RCOR1: variants seen among roughly 807,000 people sequenced by gnomAD.
The protein encoded by RCOR1 is REST corepressor 1, also known as REST corepressor.
Under a neutral mutation model 64.0 loss-of-function variants are expected in RCOR1, and 12 were observed. The ratio of observed to expected loss-of-function variants is 0.19; its 90% CI spans 0.12 to 0.30. The LOEUF (loss-of-function observed/expected upper bound fraction) is 0.30. Among genes scored for constraint, RCOR1 ranks in the 10% least tolerant of loss-of-function variants. The pLI, the probability that RCOR1 is intolerant of heterozygous loss-of-function variation, is 1.00. For synonymous variants in RCOR1, 279 were observed against 227.2 expected (o/e 1.23, Z -2.05); for missense variants, 502 against 621.2 (o/e 0.81, Z 2.04).
At chr14:102,663,788 T>C (rs1894868384) in intron 2 of RCOR1, among the ~76,000 whole-genome samples, 1 of 152,190 alleles carries the variant, frequency 6.6e-6, no homozygotes, top group African/African-American at 2.4e-5. Context: ...TGTCTTTGTT[T>C]AGGTTTGACG....
intron 2 of RCOR1, among the ~76,000 whole-genome samples, chr14:102,660,899 T>C (rs180942880): frequency 1.3e-5 from 2 of 152,284 alleles, no homozygotes; most frequent in African/African-American, 4.8e-5. Flanking sequence ...TAGATTACTA[T>C]CTCATAAATT....
At chr14:102,625,886 G>A (rs1254502510) in intron 2 of RCOR1, among the ~76,000 whole-genome samples, 1 of 152,106 alleles carries the variant, frequency 6.6e-6, no homozygotes, top group African/African-American at 2.4e-5. Context: ...TGCATAGGTT[G>A]AACACAACAA....
chr14:102,605,910 G>A (rs1893496945), intron 2 of RCOR1, among the ~76,000 whole-genome samples: 1 of 151,878 alleles, frequency 6.6e-6, no homozygotes, highest in Non-Finnish European at 1.5e-5. Context: ...AGGCCAATGT[G>A]TGTGTCTTTG....
intron 2 of RCOR1, among the ~76,000 whole-genome samples, chr14:102,646,327 G>C (rs776406807): frequency 6.6e-6 from 1 of 152,066 alleles, no homozygotes; most frequent in Non-Finnish European, 1.5e-5. Flanking sequence ...TCAGGCACAT[G>C]AAGAAAAAGC....
intron 2 of RCOR1, among the ~76,000 whole-genome samples, chr14:102,676,793 A>G (rs1163630628): frequency 9.2e-5 from 5 of 54,418 alleles, no homozygotes; most frequent in African/African-American, 9.2e-5. Flanking sequence ...CTCACTTCCC[A>G]GTAGGGGCGG....
At chr14:102,600,084 T>C (rs1022553243) in intron 2 of RCOR1, among the ~76,000 whole-genome samples, 1 of 150,950 alleles carries the variant, frequency 6.6e-6, no homozygotes, top group African/African-American at 2.4e-5. Context: ...TTAATTATTA[T>C]TATTATTTTT....
intron 3 of RCOR1, 29 bp downstream of exon 3, chr14:102,682,007 C>G (rs1567434281): frequency 6.5e-7 from 1 of 1,530,372 alleles, no homozygotes. Flanking sequence ...TATTTTCCAC[C>G]TTTCTTGTTT....
At chr14:102,686,928 A>G (rs903946633) in intron 3 of RCOR1, among the ~76,000 whole-genome samples, 15 of 152,150 alleles carry the variant, frequency 9.9e-5, no homozygotes, top group African/African-American at 3.6e-4. Flanking sequence ...TTATTGGATT[A>G]TATTTTTTCC....
chr14:102,710,813 A>T lies in RCOR1; in HGVS notation c.780-122A>T, dbSNP rs554588125. 17 of 680,318 alleles carry T rather than the reference A, an allele frequency of 2.5e-5. No homozygotes were observed. In the South Asian group the frequency reaches 2.9e-4, roughly 12 times the overall value. The allele number at this position is 680,318 out of a possible 1,614,324, so 42.1% of individuals were successfully genotyped here. On this transcript the variant is annotated intron_variant, in intron 6 of 11. Coordinates refer to ENST00000262241, the MANE Select transcript of RCOR1 (RefSeq NM_015156.4). ...CCTGAAAACATACTAATTTTATATT[A>T]AATCAGTTTATTATTTATATTTGGT...
chr14:102,599,152 G>C (rs185847398), intron 2 of RCOR1, among the ~76,000 whole-genome samples: 1 of 150,176 alleles, frequency 6.7e-6, no homozygotes, highest in East Asian at 1.9e-4. Flanking sequence ...TTTTTTTTGA[G>C]ATAGGGTCAC....
At chr14:102,706,029 T>C (rs1432150966) in intron 4 of RCOR1, among the ~76,000 whole-genome samples, 1 of 143,000 alleles carries the variant, frequency 7.0e-6, no homozygotes, top group African/African-American at 2.7e-5. Context: ...GGAGAATTGA[T>C]TGAGCCTGGA....
intron 3 of RCOR1, among the ~76,000 whole-genome samples, chr14:102,700,649 A>G (rs1895738860): frequency 6.6e-6 from 1 of 152,252 alleles, no homozygotes; most frequent in African/African-American, 2.4e-5. Context: ...GATTACAGGC[A>G]TGAGCCTTTG....
At chr14:102,634,561 A>G (rs1327826822) in intron 2 of RCOR1, among the ~76,000 whole-genome samples, 1 of 151,820 alleles carries the variant, frequency 6.6e-6, no homozygotes, top group Non-Finnish European at 1.5e-5. Flanking sequence ...ACAAATAAAT[A>G]CTAAGTTTTT....
chr14:102,689,704 AAAATAGACAAAAATGGAAATCGT>A (rs2139968229), intron 3 of RCOR1, among the ~76,000 whole-genome samples: 1 of 152,192 alleles, frequency 6.6e-6, no homozygotes, highest in East Asian at 1.9e-4. Context: ...TCTCTGTGTT[AAAATAGACAAAAATGGAAATCGT>A]TAGCTGTGCC....
intron 2 of RCOR1, among the ~76,000 whole-genome samples, chr14:102,601,772 A>G (rs1196184794): frequency 1.3e-5 from 2 of 152,164 alleles, no homozygotes; most frequent in East Asian, 3.8e-4. Flanking sequence ...GCTGTAGTAG[A>G]TTTCTGGTAG....
intron 3 of RCOR1, chr14:102,695,587 C>A: frequency 6.6e-6 from 1 of 152,454 alleles, no homozygotes; most frequent in South Asian, 2.1e-4. Flanking sequence ...GCTCTGTTGC[C>A]CAGGCTAGAG....
At chr14:102,657,376 T>C in intron 2 of RCOR1, 1 of 985,412 alleles carries the variant, frequency 1.0e-6, no homozygotes, top group Middle Eastern at 5.2e-4. Flanking sequence ...TAAGACCGAT[T>C]TACTTCTTCT....
At chr14:102,720,983 T>C (rs1896158878) in intron 8 of RCOR1, 24 bp from the exon 9 acceptor site, 21 of 1,303,114 alleles carry the variant, frequency 1.6e-5, no homozygotes, top group Non-Finnish European at 1.7e-5. Flanking sequence ...ATTTTTAAAA[T>C]GAAAATTATT....
In RCOR1 at chr14:102,699,087, A is replaced by T. The variant is rs1376572001; in HGVS notation, c.446-2191A>T. Reference sequence around the variant, plus strand: ...TTTTTAGTAGAGATGGGGTTTCACCATGTTGGCCAGGATGATGTTGATCTC... The same window carrying T: ...TTTTTAGTAGAGATGGGGTTTCACCTTGTTGGCCAGGATGATGTTGATCTC... On this transcript the variant is annotated intron_variant, in intron 3 of 11. Coordinates refer to ENST00000262241, the MANE Select transcript of RCOR1 (RefSeq NM_015156.4). Among the ~76,000 whole-genome samples the T allele has an allele frequency of 3.3e-5, 5 of 152,298 alleles. No homozygotes were observed. The South Asian group carries it at 8.3e-4, about 25-fold the overall frequency.
Sources: gnomAD v4.1 joint callset for allele counts (sites outside exome capture counted in the v4.1 genomes callset) on GRCh38, gnomAD v4.1.1 for gene constraint, MANE v1.5 for transcripts, NCBI Gene and HGNC (gene_info 2026-07-23, HGNC 2026-07-21) for gene names.